Variants in WWOX observed in about 807,000 individuals in gnomAD.
WWOX encodes WW domain-containing oxidoreductase.
WWOX carries 69 observed loss-of-function variants against 46.2 expected under a neutral mutation model. The observed-to-expected ratio is 1.49, with a 90% CI of 1.23 to 1.82. WWOX has a LOEUF of 1.82. WWOX is among the 40% of genes most tolerant of loss of function. The probability of loss-of-function intolerance (pLI) is 0.00; values close to 1 mark genes in which losing one functional copy is unlikely to be tolerated. For synonymous variants in WWOX, 359 were observed against 202.6 expected, an observed-to-expected ratio of 1.77 and a Z score of -6.56; for missense variants, 919 against 542.6, an observed-to-expected ratio of 1.69 and a Z score of -6.89.
At chr16:79,199,304 C>T (rs541075297) in intron 8 of WWOX, among the ~76,000 whole-genome samples, 32 of 152,250 alleles carry the variant, frequency 2.1e-4, no homozygotes, top group Non-Finnish European at 3.5e-4. Context: ...CTCAAGTGAT[C>T]CACCTGCCTT....
At chr16:78,676,431 G>C (rs2002817) in intron 8 of WWOX, among the ~76,000 whole-genome samples, 13,977 of 147,944 alleles carry the variant, frequency 0.094, 761 homozygotes, top group South Asian at 0.19. Flanking sequence ...AACTCTGGGA[G>C]TTCCTGTTGC....
At chr16:78,972,049 C>G (rs543027792) in intron 8 of WWOX, among the ~76,000 whole-genome samples, 1 of 152,234 alleles carries the variant, frequency 6.6e-6, no homozygotes, top group Admixed American at 6.5e-5. Flanking sequence ...CTTTAGAAGA[C>G]CCTGATCTGC....
intron 8 of WWOX, among the ~76,000 whole-genome samples, chr16:78,629,970 C>A: frequency 6.6e-6 from 1 of 152,126 alleles, no homozygotes; most frequent in East Asian, 1.9e-4. Context: ...TTTCCAGCAA[C>A]TGTATTTGTC....
At chr16:78,643,345 A>G (rs1428313952) in intron 8 of WWOX, among the ~76,000 whole-genome samples, 7 of 152,210 alleles carry the variant, frequency 4.6e-5, no homozygotes, top group African/African-American at 1.7e-4. Flanking sequence ...ATTAGTAATG[A>G]AACTGAGGCT....
intron 8 of WWOX, among the ~76,000 whole-genome samples, chr16:78,757,947 GT>G (rs1468066876): frequency 6.6e-6 from 1 of 151,940 alleles, no homozygotes; most frequent in Non-Finnish European, 1.5e-5. Context: ...CCAAATATGA[GT>G]TTGGGGGGAC....
At chr16:78,122,259 T>A (rs1239019405) in intron 4 of WWOX, among the ~76,000 whole-genome samples, 1 of 152,170 alleles carries the variant, frequency 6.6e-6, no homozygotes, top group Non-Finnish European at 1.5e-5. Context: ...GGGGCTACTG[T>A]CAGTGTGAAC....
intron 8 of WWOX, among the ~76,000 whole-genome samples, chr16:78,910,388 G>A (rs1473079820): frequency 6.6e-6 from 1 of 151,926 alleles, no homozygotes; most frequent in Non-Finnish European, 1.5e-5. Context: ...CAAGAATTAA[G>A]CTTTTTCTGT....
At chr16:79,052,645 C>A (rs1242063012) in intron 8 of WWOX, among the ~76,000 whole-genome samples, 2 of 152,166 alleles carry the variant, frequency 1.3e-5, no homozygotes, top group African/African-American at 2.4e-5. Context: ...CCCTTTCCAG[C>A]CAATGGAAAC....
At chr16:78,607,103 T>C (rs2045778077) in intron 8 of WWOX, among the ~76,000 whole-genome samples, 1 of 152,084 alleles carries the variant, frequency 6.6e-6, no homozygotes, top group South Asian at 2.1e-4. Flanking sequence ...AATGGAATGA[T>C]TCAGATTGGA....
intron 8 of WWOX, among the ~76,000 whole-genome samples, chr16:79,088,108 C>G (rs371019112): frequency 1.3e-5 from 2 of 152,304 alleles, no homozygotes; most frequent in East Asian, 1.9e-4. Flanking sequence ...TCTTGACTCT[C>G]TCAGGCTCCT....
At chr16:79,054,321 C>G (rs1283000220) in intron 8 of WWOX, among the ~76,000 whole-genome samples, 1 of 152,114 alleles carries the variant, frequency 6.6e-6, no homozygotes, top group Non-Finnish European at 1.5e-5. Context: ...CCCCAGCTAT[C>G]CCGGTTTCTT....
At chr16:78,749,275 C>T (rs538685048) in intron 8 of WWOX, among the ~76,000 whole-genome samples, 1 of 152,074 alleles carries the variant, frequency 6.6e-6, no homozygotes, top group South Asian at 2.1e-4. Context: ...GGAAACAGAG[C>T]TCGAGAGAAG....
At chr16:79,177,056 G>T (rs772606956) in intron 8 of WWOX, among the ~76,000 whole-genome samples, 2 of 152,052 alleles carry the variant, frequency 1.3e-5, no homozygotes, top group Non-Finnish European at 2.9e-5. Flanking sequence ...TGCATTCATG[G>T]GATCACCTAC....
intron 8 of WWOX, among the ~76,000 whole-genome samples, chr16:78,926,895 C>A (rs951702862): frequency 6.6e-6 from 1 of 152,144 alleles, no homozygotes; most frequent in Non-Finnish European, 1.5e-5. Context: ...TTCCTGGGCT[C>A]AAGTGATCCT....
At chr16:78,383,445 T>C (rs2081997049) in intron 5 of WWOX, among the ~76,000 whole-genome samples, 1 of 152,122 alleles carries the variant, frequency 6.6e-6, no homozygotes, top group South Asian at 2.1e-4. Context: ...TGAATTATGG[T>C]CAGTTGCAGA....
At chr16:78,408,075 G>C (rs968701114) in intron 6 of WWOX, among the ~76,000 whole-genome samples, 4 of 152,112 alleles carry the variant, frequency 2.6e-5, no homozygotes, top group African/African-American at 9.7e-5. Flanking sequence ...CAAATGCCTA[G>C]GTAGATAGGA....
At chr16:78,111,112 A>G (rs2032464658) in intron 3 of WWOX, among the ~76,000 whole-genome samples, 1 of 152,038 alleles carries the variant, frequency 6.6e-6, no homozygotes, top group African/African-American at 2.4e-5. Context: ...GTGTGAGTCC[A>G]CTTGCATGGA....
At chr16:79,003,159 T>C (rs933085706) in intron 8 of WWOX, among the ~76,000 whole-genome samples, 1 of 152,200 alleles carries the variant, frequency 6.6e-6, no homozygotes, top group Admixed American at 6.5e-5. Context: ...ATGTTTGTCA[T>C]TCTCTAACTT....
chr16:78,941,996 T>G (rs1275248558), intron 8 of WWOX, among the ~76,000 whole-genome samples: 1 of 152,180 alleles, frequency 6.6e-6, no homozygotes, highest in Non-Finnish European at 1.5e-5. Context: ...GGAAATAAAG[T>G]GGGTGGAAGT....
Sources: gnomAD v4.1 joint callset for allele counts (sites outside exome capture counted in the v4.1 genomes callset) on GRCh38, gnomAD v4.1.1 for gene constraint, MANE v1.5 for transcripts, NCBI Gene and HGNC (gene_info 2026-07-23, HGNC 2026-07-21) for gene names.